Variants in FSHR observed in about 807,000 individuals in gnomAD.
FSHR encodes follicle-stimulating hormone receptor.
FSHR carries 46 observed loss-of-function variants against 52.1 expected under a neutral mutation model. The ratio of observed to expected loss-of-function variants is 0.88; its 90% CI spans 0.70 to 1.13. The LOEUF (loss-of-function observed/expected upper bound fraction) is 1.13, where lower values mean the gene tolerates loss of function less well. FSHR is among the 50% of genes most tolerant of loss of function. The pLI is 0.00. For synonymous variants in FSHR, 399 were observed against 309.6 expected, an observed-to-expected ratio of 1.29 and a Z score of -3.03; for missense variants, 964 against 834.6, an observed-to-expected ratio of 1.16 and a Z score of -1.91.
intron 4 of FSHR, among the ~76,000 whole-genome samples, chr2:48,998,978 C>G (rs927005477): frequency 6.6e-6 from 1 of 151,924 alleles, no homozygotes. Context: ...ATATGTGTAT[C>G]TACTTTATCA....
intron 1 of FSHR, among the ~76,000 whole-genome samples, chr2:49,131,877 C>T (rs546005941): frequency 2.6e-5 from 4 of 152,322 alleles, no homozygotes; most frequent in Admixed American, 2.0e-4. Context: ...GCACATGCCT[C>T]ACCCTTTAAA....
chr2:48,989,029 G>A lies in FSHR; in HGVS notation c.472C>T (p.His158Tyr), dbSNP rs1258816174. 14 of 1,613,592 alleles carry A rather than the reference G, an allele frequency of 8.7e-6. No individual in the cohort carries two copies. The highest frequency in any genetic ancestry group is 1.0e-5 in the Non-Finnish European group (12 of 1,179,754). ...ACGAAAGAATTTCTTTCAATTGTGT[G>A]GATGTTTATGTTATCTTGAATGTCA... ...LLDIQDNINI[H>Y]TIERNSFVGL... The change falls in exon 6 of 10, where the codon CAC (histidine) becomes TAC (tyrosine). Residue 158 changes from histidine to tyrosine, a missense_variant. His to Tyr is a moderately conservative substitution (Grantham distance 83, BLOSUM62 2). Coordinates refer to ENST00000406846, the MANE Select transcript of FSHR (RefSeq NM_000145.4).
chr2:49,008,018 AT>A (rs907761450), intron 4 of FSHR, among the ~76,000 whole-genome samples: 9 of 151,654 alleles, frequency 5.9e-5, no homozygotes, highest in African/African-American at 1.9e-4. Context: ...TTTTTTTTAA[AT>A]TTTTTTTATT....
At position 49,090,137 on chromosome 2, in the gene FSHR, G is replaced by GTGTGTGTGCA. The variant is rs1454750919; in HGVS notation, c.153-21848_153-21847insTGCACACACA. ...ACAGTAAAATCGAGTGTGTGTGTGT[G>GTGTGTGTGCA]TGTGTGTGTGTGTGTGCATGTGTGT... On this transcript the variant is annotated intron_variant, in intron 1 of 9. Coordinates refer to ENST00000406846, the MANE Select transcript of FSHR (RefSeq NM_000145.4). 7.9e-5 allele frequency among the ~76,000 whole-genome samples: 12 copies of GTGTGTGTGCA among 151,986 alleles called. No individual in the cohort carries two copies. The South Asian group carries it at 2.3e-3, about 29-fold the overall frequency.
chr2:48,972,237 C>A (rs1323648629), intron 8 of FSHR, among the ~76,000 whole-genome samples: 1 of 152,176 alleles, frequency 6.6e-6, no homozygotes, highest in East Asian at 1.9e-4. Context: ...TATCAAAACT[C>A]TCAGAAAAAC....
At chr2:49,123,887 C>T (rs1558454110) in intron 1 of FSHR, among the ~76,000 whole-genome samples, 2 of 152,054 alleles carry the variant, frequency 1.3e-5, no homozygotes, top group South Asian at 4.1e-4. Context: ...GGGTATGTGG[C>T]TTAAGTCTGT....
chr2:49,134,604 A>T (rs1672419139), intron 1 of FSHR, among the ~76,000 whole-genome samples: 1 of 152,290 alleles, frequency 6.6e-6, no homozygotes, highest in South Asian at 2.1e-4. Context: ...TGCTATCAAG[A>T]CACATGCACA....
chr2:49,031,422 G>T (rs1668098546), intron 2 of FSHR, among the ~76,000 whole-genome samples: 1 of 152,148 alleles, frequency 6.6e-6, no homozygotes, highest in Non-Finnish European at 1.5e-5. Context: ...CAAAGGAAGA[G>T]ATTTTATCAG....
In FSHR at chr2:49,085,436, A is replaced by T. The variant is rs1167590117; in HGVS notation, c.153-17146T>A. On this transcript the variant is annotated intron_variant, in intron 1 of 9. Coordinates refer to ENST00000406846, the MANE Select transcript of FSHR (RefSeq NM_000145.4). The stretch of plus-strand genomic sequence containing the variant: ...AGCATTCCCTTTGAAAACTGGCACA[A>T]CGAAGGGATGCCCTCTCTCACCACT... 1.4e-4 allele frequency among the ~76,000 whole-genome samples: 21 copies of T among 151,744 alleles called. 1 individual carries two copies. Among genetic ancestry groups the T allele is most frequent in the Admixed American group, 1.4e-3 (21 of 15,252 alleles).
At chr2:48,977,903 A>T (rs1322881429) in intron 8 of FSHR, among the ~76,000 whole-genome samples, 2 of 152,076 alleles carry the variant, frequency 1.3e-5, no homozygotes, top group Non-Finnish European at 2.9e-5. Context: ...TGGTGTTTTT[A>T]AACTTTATCT....
chr2:48,977,226 G>C (rs992225025), intron 8 of FSHR, among the ~76,000 whole-genome samples: 1 of 152,054 alleles, frequency 6.6e-6, no homozygotes, highest in Non-Finnish European at 1.5e-5. Flanking sequence ...CATAAATCAT[G>C]GCACAGTGAG....
intron 1 of FSHR, among the ~76,000 whole-genome samples, chr2:49,092,271 G>T (rs1670641441): frequency 6.6e-6 from 1 of 152,148 alleles, no homozygotes; most frequent in African/African-American, 2.4e-5. Context: ...TTTTTTTGGA[G>T]ACCCATTGCG....
At chr2:49,021,427 C>T (rs1023770958) in intron 2 of FSHR, among the ~76,000 whole-genome samples, 1 of 152,142 alleles carries the variant, frequency 6.6e-6, no homozygotes, top group African/African-American at 2.4e-5. Flanking sequence ...AGCTGAGTGT[C>T]TCAGGAAATC....
intron 4 of FSHR, among the ~76,000 whole-genome samples, chr2:48,996,305 A>C (rs563713728): frequency 3.2e-4 from 48 of 152,234 alleles, no homozygotes; most frequent in Admixed American, 1.4e-3. Flanking sequence ...GCTTAACTAT[A>C]TACAGTTGAT....
chr2:49,133,241 G>A lies in FSHR; in HGVS notation c.152+21025C>T, dbSNP rs147825678. On this transcript the variant is annotated intron_variant, in intron 1 of 9. Transcript: ENST00000406846. ...TAACAGGTTGGGGTCCCCTTCTTCT[G>A]ACCAAGCCACAGTTGTGCAAGCAAG... is the stretch of plus-strand genomic sequence containing the variant. Among the ~76,000 whole-genome samples the A allele has an allele frequency of 7.3e-4, 111 of 152,242 alleles. 1 individual carries two copies. Among genetic ancestry groups the A allele is most frequent in the African/African-American group, 2.4e-3 (100 of 41,542 alleles).
intron 1 of FSHR, among the ~76,000 whole-genome samples, chr2:49,151,637 C>G (rs980542624): frequency 1.3e-5 from 2 of 152,102 alleles, no homozygotes; most frequent in African/African-American, 4.8e-5. Context: ...AACAATGAAG[C>G]TTTGACATGT....
intron 1 of FSHR, among the ~76,000 whole-genome samples, chr2:49,084,235 CT>C (rs200283946): frequency 0.23 from 35,352 of 151,784 alleles, 4,180 homozygotes; most frequent in East Asian, 0.28. Flanking sequence ...CAACCTGCCC[CT>C]GAATGACTAC....
chr2:49,151,217 A>G (rs1368987370), intron 1 of FSHR, among the ~76,000 whole-genome samples: 1 of 149,922 alleles, frequency 6.7e-6, no homozygotes, highest in Non-Finnish European at 1.5e-5. Context: ...TGCAGAGGAG[A>G]TATAAAAGAT....
chr2:49,129,192 T>C (rs1310231736), intron 1 of FSHR, among the ~76,000 whole-genome samples: 3 of 152,276 alleles, frequency 2.0e-5, no homozygotes, highest in East Asian at 1.9e-4. Flanking sequence ...GAATTGCTCA[T>C]GTCACAGTTG....
Sources: gnomAD v4.1 joint callset for allele counts (sites outside exome capture counted in the v4.1 genomes callset) on GRCh38, gnomAD v4.1.1 for gene constraint, MANE v1.5 for transcripts, NCBI Gene and HGNC (gene_info 2026-07-23, HGNC 2026-07-21) for gene names.